The following FSTL5 variants were observed in gnomAD, a reference collection of about 807,000 sequenced individuals.
The protein encoded by FSTL5 is follistatin like 5.
FSTL5 carries 62 observed loss-of-function variants against 89.1 expected under a neutral mutation model. The observed-to-expected ratio is 0.70, with a 90% CI of 0.57 to 0.86. The LOEUF is 0.86. FSTL5 is among the 40% of genes least tolerant of loss of function. The probability of loss-of-function intolerance (pLI) is 0.00; values close to 1 mark genes in which losing one functional copy is unlikely to be tolerated. For missense variants in FSTL5, 1,057 were observed against 1,001.6 expected, an observed-to-expected ratio of 1.06 and a Z score of -0.75; for synonymous variants, 383 against 346.2, an observed-to-expected ratio of 1.11 and a Z score of -1.18.
intron 6 of FSTL5, among the ~76,000 whole-genome samples, chr4:161,701,757 TTTA>T (rs1480633414): frequency 6.6e-6 from 1 of 152,126 alleles, no homozygotes; most frequent in East Asian, 1.9e-4. Flanking sequence ...GACTTAAATA[TTTA>T]TTAAGTGGCT....
chr4:161,420,834 T>A (rs928267574), intron 15 of FSTL5, among the ~76,000 whole-genome samples: 16 of 150,474 alleles, frequency 1.1e-4, no homozygotes, highest in Non-Finnish European at 2.4e-4. Context: ...AGATTTATTA[T>A]ATCTATTATA....
intron 8 of FSTL5, among the ~76,000 whole-genome samples, chr4:161,549,393 T>A (rs1436083532): frequency 6.6e-6 from 1 of 151,792 alleles, no homozygotes; most frequent in African/African-American, 2.4e-5. Context: ...ATGATATATA[T>A]GATTAATAAT....
At chr4:161,869,499 A>C (rs1317993170) in intron 4 of FSTL5, among the ~76,000 whole-genome samples, 1 of 152,150 alleles carries the variant, frequency 6.6e-6, no homozygotes, top group Non-Finnish European at 1.5e-5. Context: ...CACCTTCCCC[A>C]GCTCTAGGTA....
rs1231057281 is a variant in FSTL5, at chr4:161,516,758, CA to C, written c.1313-6335del. Among the ~76,000 whole-genome samples the C allele has an allele frequency of 4.0e-3, 520 of 131,604 alleles. 2 individuals carry two copies. Among genetic ancestry groups the C allele is most frequent in the African/African-American group, 0.013 (495 of 36,744 alleles). The allele number at this position is 131,604 out of a possible 152,430, so 86.3% of individuals were successfully genotyped here. ...ACACACACACACACACACACACACACAATTTTTTTTTCCTCAATGTCCTTAG... is the reference window on the plus strand; with the variant it reads ...ACACACACACACACACACACACACACATTTTTTTTTCCTCAATGTCCTTAG... On this transcript the variant is annotated intron_variant, in intron 10 of 15. Coordinates refer to ENST00000306100, the MANE Select transcript of FSTL5 (RefSeq NM_020116.5).
At chr4:161,722,057 T>A (rs1381409809) in intron 6 of FSTL5, among the ~76,000 whole-genome samples, 1 of 152,124 alleles carries the variant, frequency 6.6e-6, no homozygotes, top group Non-Finnish European at 1.5e-5. Flanking sequence ...AAAAAAGACT[T>A]TGAAGATGTC....
intron 8 of FSTL5, among the ~76,000 whole-genome samples, chr4:161,580,386 A>G (rs1276604777): frequency 6.6e-6 from 1 of 152,224 alleles, no homozygotes; most frequent in African/African-American, 2.4e-5. Flanking sequence ...TATTTAAAAT[A>G]TGAATATCTC....
chr4:161,426,938 G>A (rs1202429216), intron 15 of FSTL5, among the ~76,000 whole-genome samples: 1 of 152,064 alleles, frequency 6.6e-6, no homozygotes, highest in Non-Finnish European at 1.5e-5. Context: ...TCAATACTAT[G>A]ACAACAGATT....
chr4:161,389,528 C>A (rs1730750224), intron 15 of FSTL5, among the ~76,000 whole-genome samples: 1 of 152,082 alleles, frequency 6.6e-6, no homozygotes, highest in African/African-American at 2.4e-5. Flanking sequence ...AAGCTAAGAT[C>A]CTGAAATGAT....
At chr4:161,933,710 G>A (rs187619678) in intron 3 of FSTL5, among the ~76,000 whole-genome samples, 12 of 151,696 alleles carry the variant, frequency 7.9e-5, no homozygotes, top group Non-Finnish European at 1.6e-4. Flanking sequence ...ACCTCAACTC[G>A]TCTATCATTT....
chr4:161,729,483 T>C (rs1252056527), intron 6 of FSTL5, among the ~76,000 whole-genome samples: 1 of 152,154 alleles, frequency 6.6e-6, no homozygotes, highest in Non-Finnish European at 1.5e-5. Flanking sequence ...CCCTCATACC[T>C]GACCTTCCTA....
At chr4:161,581,047 C>T (rs917099875) in intron 8 of FSTL5, among the ~76,000 whole-genome samples, 4 of 151,990 alleles carry the variant, frequency 2.6e-5, no homozygotes, top group Non-Finnish European at 5.9e-5. Context: ...TCCTAGATGA[C>T]AATCAACTGA....
chr4:161,694,413 TC>T (rs1738064940), intron 6 of FSTL5, among the ~76,000 whole-genome samples: 1 of 152,138 alleles, frequency 6.6e-6, no homozygotes, highest in African/African-American at 2.4e-5. Flanking sequence ...TGTAAATTTT[TC>T]TTTTCAGGCA....
chr4:161,849,405 G>T (rs1484035312), intron 4 of FSTL5, among the ~76,000 whole-genome samples: 1 of 151,624 alleles, frequency 6.6e-6, no homozygotes, highest in African/African-American at 2.4e-5. Flanking sequence ...GGTTAAAACT[G>T]CCGGAAAAAA....
chr4:161,698,810 C>A (rs1163937470), intron 6 of FSTL5, among the ~76,000 whole-genome samples: 1 of 151,946 alleles, frequency 6.6e-6, no homozygotes, highest in East Asian at 1.9e-4. Flanking sequence ...CTTAGCAGGG[C>A]CTGGTGGTAT....
chr4:161,998,086 G>A (rs1736354641), intron 3 of FSTL5, among the ~76,000 whole-genome samples: 1 of 152,152 alleles, frequency 6.6e-6, no homozygotes, highest in Non-Finnish European at 1.5e-5. Context: ...AAGCTACACG[G>A]AGGAAAAGAT....
intron 3 of FSTL5, among the ~76,000 whole-genome samples, chr4:161,943,096 T>C (rs1229543234): frequency 1.3e-5 from 2 of 152,004 alleles, no homozygotes; most frequent in Non-Finnish European, 2.9e-5. Flanking sequence ...TGGAAAAGAA[T>C]AAAACATCTA....
chr4:161,578,026 A>C (rs903605981), intron 8 of FSTL5, among the ~76,000 whole-genome samples: 1 of 152,120 alleles, frequency 6.6e-6, no homozygotes, highest in Non-Finnish European at 1.5e-5. Flanking sequence ...TGCCTAAACA[A>C]AACTCAATGC....
chr4:161,718,078 A>C (rs1739055386), intron 6 of FSTL5, among the ~76,000 whole-genome samples: 1 of 151,526 alleles, frequency 6.6e-6, no homozygotes, highest in African/African-American at 2.4e-5. Context: ...CTTTTATAAT[A>C]ATGTTCATGT....
intron 4 of FSTL5, among the ~76,000 whole-genome samples, chr4:161,835,626 A>T (rs529799948): frequency 4.7e-4 from 71 of 152,038 alleles, no homozygotes; most frequent in Admixed American, 1.1e-3. Context: ...AAACAACCCC[A>T]TCAAAAAGTG....
Sources: allele counts gnomAD v4.1 joint callset (sites outside exome capture counted in the v4.1 genomes callset), GRCh38; gene constraint gnomAD v4.1.1; transcripts MANE v1.5; gene names NCBI Gene and HGNC (gene_info 2026-07-23, HGNC 2026-07-21).